The following GPHN variants were observed in gnomAD, a reference collection of about 807,000 sequenced individuals.
GPHN encodes gephyrin.
A neutral mutation model predicts 95.5 loss-of-function variants in GPHN; 17 were observed. The ratio of observed to expected loss-of-function variants is 0.18; its 90% CI spans 0.12 to 0.27. GPHN has a LOEUF of 0.27. Ranked by LOEUF, GPHN falls within the 10% of genes least tolerant of loss-of-function variation. The pLI is 1.00. For synonymous variants in GPHN, 320 were observed against 322.5 expected (o/e 0.99, Z 0.08); for missense variants, 660 against 978.1 (o/e 0.67, Z 4.34).
chr14:67,380,337 T>C, the GPHN span, among the ~76,000 whole-genome samples: 1 of 151,978 alleles, frequency 6.6e-6, no homozygotes, highest in Non-Finnish European at 1.5e-5. Flanking sequence ...TTTTTTTTTC[T>C]ATTCAAGATA....
the GPHN span, among the ~76,000 whole-genome samples, chr14:67,636,735 C>T: frequency 6.6e-6 from 1 of 152,174 alleles, no homozygotes; most frequent in Non-Finnish European, 1.5e-5. Context: ...TATTTTATTA[C>T]CAGCACTCAG....
At chr14:67,519,317 A>G in the GPHN span, among the ~76,000 whole-genome samples, 1 of 152,346 alleles carries the variant, frequency 6.6e-6, no homozygotes, top group East Asian at 1.9e-4. Context: ...TTTAAAGGGA[A>G]TGCTGGCAAA....
the GPHN span, chr14:67,303,399 G>A: frequency 1.4e-6 from 1 of 695,534 alleles, no homozygotes; most frequent in Non-Finnish European, 2.5e-6. Flanking sequence ...GCAAAGTGCT[G>A]CTGGTCATTT....
At chr14:67,551,080 A>G in the GPHN span, among the ~76,000 whole-genome samples, 1 of 152,228 alleles carries the variant, frequency 6.6e-6, no homozygotes, top group Admixed American at 6.5e-5. Flanking sequence ...AGCTATATAC[A>G]TATAAGCTAA....
the GPHN span, among the ~76,000 whole-genome samples, chr14:67,603,298 A>C: frequency 6.6e-6 from 1 of 152,196 alleles, no homozygotes; most frequent in African/African-American, 2.4e-5. Flanking sequence ...TCAAACTCCT[A>C]GGCTCGGGTG....
chr14:67,390,665 T>C, the GPHN span: 1 of 1,608,110 alleles, frequency 6.2e-7, no homozygotes, highest in East Asian at 2.2e-5. Flanking sequence ...GCACTCACTT[T>C]GGAAGGGTCA....
At chr14:67,416,585 C>G in the GPHN span, among the ~76,000 whole-genome samples, 1 of 152,246 alleles carries the variant, frequency 6.6e-6, no homozygotes, top group Non-Finnish European at 1.5e-5. Context: ...GGCCATCCAG[C>G]TAGTTGCTCT....
At chr14:66,790,874 A>G (rs762305328) in intron 3 of GPHN, among the ~76,000 whole-genome samples, 6 of 152,238 alleles carry the variant, frequency 3.9e-5, no homozygotes, top group Non-Finnish European at 8.8e-5. Context: ...AAAGCTCTCC[A>G]TGTCCCATAA....
intron 18 of GPHN, among the ~76,000 whole-genome samples, chr14:67,146,805 G>A (rs576295084): frequency 6.6e-6 from 1 of 152,306 alleles, no homozygotes; most frequent in African/African-American, 2.4e-5. Context: ...AGCCCAAGGT[G>A]GGCAGATTGC....
chr14:66,859,278 A>G (rs1314318465), intron 4 of GPHN, among the ~76,000 whole-genome samples: 3 of 152,148 alleles, frequency 2.0e-5, no homozygotes, highest in Admixed American at 1.3e-4. Context: ...GTTTGTATCA[A>G]CCCACCATCC....
the GPHN span, chr14:67,647,775 C>A: frequency 2.3e-5 from 9 of 391,568 alleles, no homozygotes; most frequent in Non-Finnish European, 3.7e-5. Flanking sequence ...GTTCTAATAC[C>A]CAGTGTAAGG....
intron 1 of GPHN, among the ~76,000 whole-genome samples, chr14:66,663,737 C>T (rs950697770): frequency 2.0e-5 from 3 of 152,128 alleles, no homozygotes; most frequent in African/African-American, 7.2e-5. Context: ...CTTCAAGAGA[C>T]CCATCTCATG....
At chr14:66,915,012 C>G (rs1241150663) in intron 5 of GPHN, among the ~76,000 whole-genome samples, 1 of 151,940 alleles carries the variant, frequency 6.6e-6, no homozygotes, top group Admixed American at 6.6e-5. Context: ...AATAGTTTTT[C>G]TAGTAAGAAG....
chr14:66,913,845 T>C (rs1381119680), intron 5 of GPHN, among the ~76,000 whole-genome samples: 1 of 152,208 alleles, frequency 6.6e-6, no homozygotes, highest in African/African-American at 2.4e-5. Context: ...GCTTATAGTT[T>C]TTAAATTATT....
intron 5 of GPHN, among the ~76,000 whole-genome samples, chr14:66,883,266 G>A (rs370753468): frequency 6.6e-6 from 1 of 151,828 alleles, no homozygotes; most frequent in East Asian, 1.9e-4. Flanking sequence ...CAAATTAGCT[G>A]ACTTTTCCCC....
At chr14:67,456,174 C>A in the GPHN span, among the ~76,000 whole-genome samples, 9 of 152,302 alleles carry the variant, frequency 5.9e-5, no homozygotes, top group South Asian at 4.1e-4. Flanking sequence ...AGAGACACTT[C>A]TCAAAAGACG....
At chr14:66,984,456 A>G (rs778438661) in intron 9 of GPHN, among the ~76,000 whole-genome samples, 2 of 152,218 alleles carry the variant, frequency 1.3e-5, no homozygotes, top group Non-Finnish European at 2.9e-5. Flanking sequence ...CTGAAAAATT[A>G]GTAAAACTTG....
intron 11 of GPHN, among the ~76,000 whole-genome samples, chr14:67,077,448 A>G (rs761849456): frequency 6.6e-5 from 10 of 152,204 alleles, no homozygotes; most frequent in Non-Finnish European, 1.5e-4. Flanking sequence ...ATCAGGATGT[A>G]ACCTCATTGT....
intron 11 of GPHN, among the ~76,000 whole-genome samples, chr14:67,064,090 AT>A (rs1342302680): frequency 6.6e-6 from 1 of 152,120 alleles, no homozygotes; most frequent in Non-Finnish European, 1.5e-5. Flanking sequence ...AGCTCTTATT[AT>A]TTTGAGATGC....
Sources: gnomAD v4.1 joint callset for allele counts (sites outside exome capture counted in the v4.1 genomes callset) on GRCh38, gnomAD v4.1.1 for gene constraint, MANE v1.5 for transcripts, NCBI Gene and HGNC (gene_info 2026-07-23, HGNC 2026-07-21) for gene names.